Variants in DNAI7 observed in about 807,000 individuals in gnomAD.
DNAI7 encodes cancer susceptibility 1.
Under a neutral mutation model 86.6 loss-of-function variants are expected in DNAI7, and 78 were observed. The ratio of observed to expected loss-of-function variants is 0.90; its 90% confidence interval spans 0.75 to 1.09. The LOEUF (loss-of-function observed/expected upper bound fraction) is 1.09. Ranked by LOEUF, DNAI7 falls within the 50% of genes least tolerant of loss-of-function variation. The pLI is 0.00. For synonymous variants in DNAI7, 274 were observed against 273.0 expected (o/e 1.00, Z -0.04); for missense variants, 753 against 810.2 (o/e 0.93, Z 0.86).
chr12:25,113,988 CAGG>C (rs1191155354), intron 13 of DNAI7, among the ~76,000 whole-genome samples: 1 of 139,488 alleles, frequency 7.2e-6, no homozygotes, highest in African/African-American at 3.0e-5. Context: ...CTCTGTTGCC[CAGG>C]CTGGAGTGCA....
intron 2 of DNAI7, among the ~76,000 whole-genome samples, chr12:25,165,975 G>A (rs1040807504): frequency 5.9e-5 from 9 of 152,050 alleles, no homozygotes; most frequent in Middle Eastern, 3.4e-3. Flanking sequence ...CCTCAATGCC[G>A]CCTTTTCCCC....
intron 1 of DNAI7, chr12:25,192,833 C>CAAAAAAAAA (rs34334672): frequency 1.2e-5 from 1 of 81,396 alleles, no homozygotes; most frequent in Non-Finnish European, 2.2e-5. Context: ...AACTCTGCCT[C>CAAAAAAAAA]AAAAAAAAAA....
chr12:25,157,837 A>ATTTTTTTTTTTTTTTTTT (rs66535304), intron 4 of DNAI7, among the ~76,000 whole-genome samples: 1 of 143,258 alleles, frequency 7.0e-6, no homozygotes, highest in Non-Finnish European at 1.5e-5. Context: ...AATATTTTGA[A>ATTTTTTTTTTTTTTTTTT]TTTTTTTTTT....
chr12:25,150,407 A>T (rs899033067), intron 6 of DNAI7, among the ~76,000 whole-genome samples: 1 of 152,048 alleles, frequency 6.6e-6, no homozygotes, highest in Non-Finnish European at 1.5e-5. Flanking sequence ...GATCAAGACT[A>T]TCCTGGCTAA....
chr12:25,122,070 T>C (rs1294739323), intron 10 of DNAI7, among the ~76,000 whole-genome samples, 157 bp from the exon 11 acceptor site: 3 of 152,326 alleles, frequency 2.0e-5, no homozygotes, highest in African/African-American at 7.2e-5. Context: ...TTCATAGAGC[T>C]GACCTTGGAA....
intron 10 of DNAI7, 62 bp downstream of exon 10, chr12:25,123,149 T>A: frequency 9.2e-7 from 1 of 1,086,664 alleles, no homozygotes. Context: ...AATGATCCTG[T>A]ATTTCTTCTG....
chr12:25,124,043 T>TGTGTGTGTGTGTGTGC lies in DNAI7; in HGVS notation c.1003-758_1003-757insGCACACACACACACAC, dbSNP rs1343187109. On this transcript the variant is annotated intron_variant, in intron 9 of 15. Coordinates refer to ENST00000395987, the MANE Select transcript of DNAI7 (RefSeq NM_018272.5). Reference sequence around the variant, plus strand: ...TGCTAGTATAAAAATTGTGTGTGTGTGTGTGTGTGTGTGTGTGTGCTAATA... The same window carrying TGTGTGTGTGTGTGTGC: ...TGCTAGTATAAAAATTGTGTGTGTGTGTGTGTGTGTGTGTGCGTGTGTGTGTGTGTGTGTGCTAATA... 2.0e-5 allele frequency among the ~76,000 whole-genome samples: 3 copies of TGTGTGTGTGTGTGTGC among 151,364 alleles called. No homozygotes were observed. In the East Asian group the frequency reaches 5.8e-4, roughly 29 times the overall value.
At position 25,143,000 on chromosome 12, in the gene DNAI7, C is replaced by T. The variant is rs78417907; in HGVS notation, c.1002+1365G>A. On this transcript the variant is annotated intron_variant, in intron 9 of 15. Coordinates refer to ENST00000395987, the MANE Select transcript of DNAI7 (RefSeq NM_018272.5). ...AGCTTCTAAACTATCTGAGAGTTCA[C>T]ATGAAATTTTTATTTTAAAAACTAT... Among the ~76,000 whole-genome samples the T allele has an allele frequency of 8.0e-4, 122 of 152,198 alleles. No individual in the cohort carries two copies. The East Asian group carries it at 0.022, about 27-fold the overall frequency.
intron 9 of DNAI7, among the ~76,000 whole-genome samples, chr12:25,128,705 T>C (rs966183961): frequency 2.0e-5 from 3 of 152,212 alleles, no homozygotes; most frequent in African/African-American, 2.4e-5. Flanking sequence ...CAGTAAGATA[T>C]ATTTTACCTC....
chr12:25,155,258 C>T (rs773393162), intron 5 of DNAI7, 53 bp downstream of exon 5: 4 of 910,138 alleles, frequency 4.4e-6, no homozygotes, highest in Non-Finnish European at 6.8e-6. Context: ...TTGGACTACA[C>T]CTCCCTCTTG....
At position 25,108,486 on chromosome 12, in the gene DNAI7, G is replaced by GAAAT; in HGVS notation, c.*58_*61dup. On this transcript the variant is annotated 3_prime_UTR_variant, in exon 16 of 16. Coordinates refer to ENST00000395987, the MANE Select transcript of DNAI7 (RefSeq NM_018272.5). ...CATTCACTCATTACATTGTGTTGCA[G>GAAAT]AAATACCTGTCTTTCACCATGCTTG... 7.1e-7 allele frequency: 1 copy of GAAAT among 1,410,506 alleles called. No individual in the cohort carries two copies. Among genetic ancestry groups the GAAAT allele is most frequent in the East Asian group, 2.3e-5 (1 of 42,920 alleles). 87.4% of individuals were successfully genotyped at this position (1,410,506 alleles called of 1,614,324 possible).
intron 2 of DNAI7, among the ~76,000 whole-genome samples, chr12:25,184,345 T>C (rs927086948): frequency 2.6e-5 from 4 of 152,198 alleles, no homozygotes; most frequent in African/African-American, 9.6e-5. Context: ...ATTTGCCTCT[T>C]CTGGACACTT....
chr12:25,170,939 G>A (rs945959396), intron 2 of DNAI7, among the ~76,000 whole-genome samples: 1 of 152,146 alleles, frequency 6.6e-6, no homozygotes, highest in Non-Finnish European at 1.5e-5. Context: ...TGACAGTAAT[G>A]AAATTTCCTA....
intron 2 of DNAI7, among the ~76,000 whole-genome samples, chr12:25,163,318 A>G (rs576272689): frequency 6.6e-6 from 1 of 152,210 alleles, no homozygotes. Flanking sequence ...CGCCACAAAA[A>G]AAGTGAAAAT....
intron 2 of DNAI7, among the ~76,000 whole-genome samples, chr12:25,167,455 A>C (rs1947614566): frequency 6.6e-6 from 1 of 151,622 alleles, no homozygotes; most frequent in African/African-American, 2.4e-5. Flanking sequence ...TTAGTTTTAT[A>C]CTCACTCTTA....
chr12:25,193,149 G>GA lies in DNAI7; in HGVS notation c.3+1926dup, dbSNP rs112626533. On this transcript the variant is annotated intron_variant, in intron 1 of 15. Transcript: ENST00000395987. ...TGACAAAGCGAGACAGTCTCAAAAA[G>GA]AAAAAAAAAAAAGAAAAAAAATTCA... Among the ~76,000 whole-genome samples the GA allele has an allele frequency of 4.0e-3, 511 of 127,954 alleles. 1 individual carries two copies. The highest frequency in any genetic ancestry group is 0.013 in the African/African-American group (436 of 34,650). The allele number at this position is 127,954 out of a possible 152,430, so 83.9% of individuals were successfully genotyped here.
intron 3 of DNAI7, chr12:25,158,791 G>A: frequency 1.3e-6 from 1 of 772,290 alleles, no homozygotes; most frequent in Non-Finnish European, 1.9e-6. Context: ...GATATGAACA[G>A]ACACTTCTCA....
At chr12:25,181,082 A>G (rs1949457903) in intron 2 of DNAI7, among the ~76,000 whole-genome samples, 1 of 152,172 alleles carries the variant, frequency 6.6e-6, no homozygotes, top group African/African-American at 2.4e-5. Context: ...TGCTGGGACT[A>G]TAGGCATGAG....
chr12:25,109,267 A>T (rs1284595254), intron 15 of DNAI7, among the ~76,000 whole-genome samples: 1 of 152,216 alleles, frequency 6.6e-6, no homozygotes, highest in Non-Finnish European at 1.5e-5. Flanking sequence ...CAGCTTTTAG[A>T]ATTTGATATG....
Sources: gnomAD v4.1 joint callset for allele counts (sites outside exome capture counted in the v4.1 genomes callset) on GRCh38, gnomAD v4.1.1 for gene constraint, MANE v1.5 for transcripts, NCBI Gene and HGNC (gene_info 2026-07-23, HGNC 2026-07-21) for gene names.